Variants in VAC14 observed in about 807,000 individuals in gnomAD.
The protein encoded by VAC14 is VAC14 component of PIKFYVE complex, also known as protein VAC14 homolog.
In VAC14, 47 loss-of-function variants were observed where a neutral mutation model predicts 85.3. The observed-to-expected ratio is 0.55, with a 90% CI of 0.44 to 0.70. The LOEUF (loss-of-function observed/expected upper bound fraction) is 0.70. VAC14 is among the 30% of genes least tolerant of loss of function. The probability of loss-of-function intolerance (pLI) is 0.00; values close to 1 mark genes in which losing one functional copy is unlikely to be tolerated. For synonymous variants in VAC14, 447 were observed against 430.5 expected (o/e 1.04, Z -0.47); for missense variants, 861 against 1,004.3 (o/e 0.86, Z 1.93).
At position 70,787,856 on chromosome 16, in the gene VAC14, T is replaced by C. The variant is rs566519976; in HGVS notation, c.105-1491A>G. ...ACTGGGGAATCTCCAGTTAGAAGAA[T>C]AGATTTCATGTACCAGGGAGCTGGG... On this transcript the variant is annotated intron_variant, in intron 1 of 18. Transcript: ENST00000261776. 5.3e-5 allele frequency among the ~76,000 whole-genome samples: 8 copies of C among 152,288 alleles called. No individual in the cohort carries two copies. In the East Asian group the frequency reaches 5.8e-4, roughly 11 times the overall value.
chr16:70,774,795 G>A (rs2033436582), intron 9 of VAC14, among the ~76,000 whole-genome samples: 1 of 129,122 alleles, frequency 7.7e-6, no homozygotes, highest in Admixed American at 7.9e-5. Flanking sequence ...CCAGGATGAA[G>A]TGCAATGGCA....
chr16:70,783,345 T>C, intron 6 of VAC14, 100 bp downstream of exon 6: 4 of 1,249,664 alleles, frequency 3.2e-6, no homozygotes, highest in Non-Finnish European at 4.6e-6. Context: ...GAAGAGGTGA[T>C]TTCCTGCCCT....
At chr16:70,760,981 G>GTGTGTGTGTC (rs2032297664) in intron 12 of VAC14, among the ~76,000 whole-genome samples, 1 of 110,690 alleles carries the variant, frequency 9.0e-6, no homozygotes, top group Admixed American at 8.4e-5. Flanking sequence ...GTGTGTGTGT[G>GTGTGTGTGTC]TGTGTGTGTG....
intron 10 of VAC14, chr16:70,770,523 C>T (rs1309050614): frequency 6.6e-6 from 1 of 152,256 alleles, no homozygotes; most frequent in Non-Finnish European, 1.5e-5. Context: ...CGCTGGGGCC[C>T]TGGAAGCCTG....
chr16:70,785,452 C>T (rs2034005340), intron 3 of VAC14, among the ~76,000 whole-genome samples: 1 of 152,250 alleles, frequency 6.6e-6, no homozygotes, highest in Non-Finnish European at 1.5e-5. Flanking sequence ...CTATCAGCTT[C>T]TTCCCTCTAC....
intron 10 of VAC14, chr16:70,771,279 C>A (rs559245819): frequency 6.6e-6 from 1 of 152,188 alleles, no homozygotes; most frequent in African/African-American, 2.4e-5. Context: ...TGGAAGACTG[C>A]GCCATTACAG....
At chr16:70,795,271 C>G (rs1354994304) in intron 1 of VAC14, among the ~76,000 whole-genome samples, 1 of 151,958 alleles carries the variant, frequency 6.6e-6, no homozygotes, top group Non-Finnish European at 1.5e-5. Context: ...TCGGGACCAT[C>G]CTGCCTAACA....
intron 14 of VAC14, among the ~76,000 whole-genome samples, chr16:70,701,001 G>A (rs2053815048): frequency 1.3e-5 from 2 of 152,312 alleles, no homozygotes; most frequent in East Asian, 1.9e-4. Context: ...GGCTGGTGGT[G>A]AGGAGAAGCG....
At position 70,698,629 on chromosome 16, in the gene VAC14, C is replaced by T. The variant is rs2053761392; in HGVS notation, c.1836+8G>A. ...ACGCCTGAGGATGGAGTCCCGGACGCAGCCTACCAGGGTCTTCAGGTCCTT... is the reference window on the plus strand; with the variant it reads ...ACGCCTGAGGATGGAGTCCCGGACGTAGCCTACCAGGGTCTTCAGGTCCTT... On this transcript the variant is annotated splice_region_variant and intron_variant, in intron 15 of 18. Coordinates refer to ENST00000261776, the MANE Select transcript of VAC14 (RefSeq NM_018052.5). The T allele has an allele frequency of 3.7e-6, 6 of 1,613,940 alleles. No individual in the cohort carries two copies. Among genetic ancestry groups the T allele is most frequent in the Non-Finnish European group, 5.1e-6 (6 of 1,179,850 alleles).
At chr16:70,722,418 C>T (rs1248647109) in intron 14 of VAC14, among the ~76,000 whole-genome samples, 1 of 152,218 alleles carries the variant, frequency 6.6e-6, no homozygotes, top group Admixed American at 6.5e-5. Context: ...GTCTGGGCGG[C>T]CTTTCACAAA....
chr16:70,775,001 C>G (rs555871210), intron 9 of VAC14, among the ~76,000 whole-genome samples: 1 of 152,220 alleles, frequency 6.6e-6, no homozygotes, highest in South Asian at 2.1e-4. Flanking sequence ...ATTGATCCAC[C>G]TCAGCCTCTG....
rs1312427666 is a variant in VAC14 at position 70,783,048 on chromosome 16, G to C, written c.796C>G (p.His266Asp). ...FAEMANILVI[H>D]CQTTDDLIQL... Reference sequence around the variant, plus strand: ...CAATACTCACCTGTTGTCTGGCAGTGGATCACCAGGATGTTGGCCATCTCA... The same window carrying C: ...CAATACTCACCTGTTGTCTGGCAGTCGATCACCAGGATGTTGGCCATCTCA... The change falls in exon 7 of 19, where the codon CAC (histidine) becomes GAC (aspartate). Residue 266 changes from histidine (H) to aspartate (D), a missense_variant. Transcript: ENST00000261776. 1.2e-6 allele frequency: 2 copies of C among 1,613,998 alleles called. No homozygotes were observed. The highest frequency in any genetic ancestry group is 1.7e-6 in the Non-Finnish European group (2 of 1,179,990).
At chr16:70,768,966 A>ATTT in intron 10 of VAC14, 6 of 215,858 alleles carry the variant, frequency 2.8e-5, no homozygotes, top group Non-Finnish European at 4.6e-5. Context: ...ACGCCTGGCT[A>ATTT]TTTTTTTTTT....
In VAC14 at chr16:70,688,459, G is replaced by A. The variant is rs143149429; in HGVS notation, c.2187-369C>T. ...GAAGCCAGCTGGGGCCTGGAACAGGGTCTGGGGAGAAGGGGGAGGTGGCAG... is the reference window on the plus strand; with the variant it reads ...GAAGCCAGCTGGGGCCTGGAACAGGATCTGGGGAGAAGGGGGAGGTGGCAG... On this transcript the variant is annotated intron_variant, in intron 18 of 18. Transcript: ENST00000261776. 2.3e-4 allele frequency: 230 copies of A among 997,712 alleles called. No homozygotes were observed. In the African/African-American group the frequency reaches 3.6e-3, roughly 16 times the overall value. 61.8% of individuals were successfully genotyped at this position (997,712 alleles called of 1,614,324 possible). A position where few individuals can be genotyped will look rare whatever the true frequency, so the allele number is the denominator to read the frequency against.
chr16:70,800,401 C>A (rs2034730220), intron 1 of VAC14, among the ~76,000 whole-genome samples: 1 of 152,208 alleles, frequency 6.6e-6, no homozygotes, highest in African/African-American at 2.4e-5. Context: ...GGGTAAGAAA[C>A]CAGGCTGGTC....
chr16:70,789,957 C>A (rs1333875620), intron 1 of VAC14, among the ~76,000 whole-genome samples: 1 of 152,182 alleles, frequency 6.6e-6, no homozygotes, highest in African/African-American at 2.4e-5. Context: ...CACCCTGGAG[C>A]CACCTCCTCT....
chr16:70,689,988 T>C (rs1184701625), intron 18 of VAC14: 2 of 985,318 alleles, frequency 2.0e-6, no homozygotes, highest in Non-Finnish European at 2.4e-6. Flanking sequence ...TGTCTTCTGA[T>C]GCTGGGCACC....
chr16:70,713,085 A>G (rs2142996433), intron 14 of VAC14, among the ~76,000 whole-genome samples: 1 of 152,348 alleles, frequency 6.6e-6, no homozygotes, highest in East Asian at 1.9e-4. Context: ...TGTTTCATCT[A>G]AAACCAGGCA....
chr16:70,687,674 A>G lies in VAC14; in HGVS notation c.*254T>C, dbSNP rs2053520310. On this transcript the variant is annotated 3_prime_UTR_variant, in exon 19 of 19. Coordinates refer to ENST00000261776, the MANE Select transcript of VAC14 (RefSeq NM_018052.5). ...GATTCCAGAGGATGAGTGGTCTCTG[A>G]GGCTATAGCCCCCCACTGGGTGGGC... The G allele has an allele frequency of 2.6e-6, 1 of 379,512 alleles. No individual in the cohort carries two copies. The highest frequency in any genetic ancestry group is 4.7e-6 in the Non-Finnish European group (1 of 214,510). 23.5% of individuals were successfully genotyped at this position (379,512 alleles called of 1,614,324 possible).
Sources: allele counts gnomAD v4.1 joint callset (sites outside exome capture counted in the v4.1 genomes callset), GRCh38; gene constraint gnomAD v4.1.1; transcripts MANE v1.5; gene names NCBI Gene and HGNC (gene_info 2026-07-23, HGNC 2026-07-21).